The following CPSF4 variants were observed in gnomAD, a reference collection of about 807,000 sequenced individuals.
The protein encoded by CPSF4 is cleavage and polyadenylation specific factor 4, also known as cleavage and polyadenylation specificity factor subunit 4.
In CPSF4, 11 loss-of-function variants were observed where a neutral mutation model predicts 37.7. The ratio of observed to expected loss-of-function variants is 0.29; its 90% CI spans 0.18 to 0.48. The LOEUF (loss-of-function observed/expected upper bound fraction) is 0.48. CPSF4 is among the 20% of genes least tolerant of loss of function. The pLI, the probability that CPSF4 is intolerant of heterozygous loss-of-function variation, is 0.99. For missense variants in CPSF4, 144 were observed against 359.5 expected (o/e 0.40, Z 4.85); for synonymous variants, 132 against 135.9 (o/e 0.97, Z 0.20).
chr7:99,442,452 C>T (rs529981527), intron 1 of CPSF4, among the ~76,000 whole-genome samples: 87 of 151,806 alleles, frequency 5.7e-4, no homozygotes, highest in South Asian at 1.9e-3. Flanking sequence ...GTCAGGAGAT[C>T]GAGACCATCC....
chr7:99,439,966 C>T (rs754031911), intron 1 of CPSF4, among the ~76,000 whole-genome samples: 2 of 152,132 alleles, frequency 1.3e-5, no homozygotes, highest in African/African-American at 4.8e-5. Flanking sequence ...TTCACTGCTC[C>T]CCTTCATATG....
chr7:99,441,339 A>T (rs1796962955), intron 1 of CPSF4: 2 of 451,018 alleles, frequency 4.4e-6, no homozygotes, highest in Non-Finnish European at 8.9e-6. Context: ...CTGCCATCTG[A>T]CACATCCACA....
rs779660169 is a variant in CPSF4 at position 99,449,352 on chromosome 7, T to C, written c.308-924T>C. Among the ~76,000 whole-genome samples, 8 of 152,320 alleles carry C rather than the reference T, an allele frequency of 5.3e-5. No individual in the cohort carries two copies. The East Asian group carries it at 1.5e-3, about 29-fold the overall frequency. On this transcript the variant is annotated intron_variant, in intron 3 of 7. Coordinates refer to ENST00000292476, the MANE Select transcript of CPSF4 (RefSeq NM_006693.4). ...AAGTGCTGTCCCTGTCATTGTGCAA[T>C]GTAGCATGTTCCCCCCGATGCCTTG...
chr7:99,439,496 C>T (rs1471565846), intron 1 of CPSF4: 2 of 304,940 alleles, frequency 6.6e-6, no homozygotes, highest in Non-Finnish European at 1.2e-5. Context: ...GGACTCCTGA[C>T]TCCCAGGCCC....
intron 1 of CPSF4, among the ~76,000 whole-genome samples, chr7:99,440,380 C>T (rs1016864529): frequency 6.6e-5 from 10 of 151,868 alleles, no homozygotes; most frequent in Non-Finnish European, 1.3e-4. Context: ...AGACAGGGGC[C>T]CCTCTGTCGC....
rs753794352 is a variant in CPSF4 at position 99,439,161 on chromosome 7, C to T, written c.79C>T (p.Pro27Ser). Residue 27 changes from proline to serine, a missense_variant, in exon 1 of 8, where the codon CCG (proline) becomes TCG (serine). Physicochemically the swap from Pro to Ser is moderately conservative, Grantham distance 74. This residue lies in a region of CPSF4 where 42 missense variants were observed against 86.4 expected (regional missense o/e 0.49). Coordinates refer to ENST00000292476, the MANE Select transcript of CPSF4 (RefSeq NM_006693.4). ...IAVEQQLGAQ[P>S]LPFPGMDKSG... is the part of the protein sequence containing the mutation. ...GGTGGAGCAGCAGCTGGGGGCGCAG[C>T]CGCTGCCCTTCCCCGGCATGGACAG... 6.2e-7 allele frequency: 1 copy of T among 1,608,816 alleles called. No individual in the cohort carries two copies. The highest frequency in any genetic ancestry group is 8.5e-7 in the Non-Finnish European group (1 of 1,179,044).
intron 5 of CPSF4, 72 bp from the exon 6 acceptor site, chr7:99,452,296 C>T (rs1273279437): frequency 2.3e-5 from 29 of 1,277,194 alleles, no homozygotes; most frequent in African/African-American, 5.9e-5. Flanking sequence ...AAGAGCATGG[C>T]CTGGCTTCTC....
chr7:99,445,622 G>T (rs779088792), intron 2 of CPSF4, among the ~76,000 whole-genome samples: 3 of 152,180 alleles, frequency 2.0e-5, no homozygotes, highest in Non-Finnish European at 4.4e-5. Flanking sequence ...GGTGGCTTAC[G>T]CCTGTAATCC....
intron 2 of CPSF4, among the ~76,000 whole-genome samples, chr7:99,446,924 G>A (rs1356641757): frequency 6.6e-6 from 1 of 151,210 alleles, no homozygotes; most frequent in Non-Finnish European, 1.5e-5. Flanking sequence ...TGAGTAGCTG[G>A]GATTACAGGT....
intron 5 of CPSF4, 78 bp downstream of exon 5, chr7:99,450,873 A>G (rs1263222374): frequency 9.3e-7 from 1 of 1,070,172 alleles, no homozygotes; most frequent in East Asian, 2.4e-5. Context: ...CCCTGGGCCA[A>G]CTGGGCCTTG....
chr7:99,455,421 C>G (rs1798241308), intron 7 of CPSF4, among the ~76,000 whole-genome samples: 1 of 152,202 alleles, frequency 6.6e-6, no homozygotes, highest in Admixed American at 6.5e-5. Flanking sequence ...ACAGGGACAG[C>G]TGGGTGCGGT....
At position 99,439,132 on chromosome 7, in the gene CPSF4, T is replaced by A; in HGVS notation, c.50T>A (p.Ile17Asn). Residue 17 changes from isoleucine (I) to asparagine (N), a missense_variant, in exon 1 of 8, where the codon ATC (isoleucine) becomes AAC (asparagine). Physicochemically the swap from Ile to Asn is moderately radical, Grantham distance 149. This residue lies in a region of CPSF4 where 42 missense variants were observed against 86.4 expected (regional missense o/e 0.49). Coordinates refer to ENST00000292476, the MANE Select transcript of CPSF4 (RefSeq NM_006693.4). ...GACCACATCAAGTTTGACTTGGAGATCGCGGTGGAGCAGCAGCTGGGGGCG... is the reference window on the plus strand; with the variant it reads ...GACCACATCAAGTTTGACTTGGAGAACGCGGTGGAGCAGCAGCTGGGGGCG... The part of the protein sequence containing the change: ...SVDHIKFDLE[I>N]AVEQQLGAQP... 6.2e-7 allele frequency: 1 copy of A among 1,611,422 alleles called. No homozygotes were observed.
chr7:99,447,032 G>A (rs1254331188), intron 2 of CPSF4, among the ~76,000 whole-genome samples: 1 of 150,582 alleles, frequency 6.6e-6, no homozygotes, highest in Non-Finnish European at 1.5e-5. Flanking sequence ...CTCAGGTGAT[G>A]CACCTGCCTT....
intron 3 of CPSF4, among the ~76,000 whole-genome samples, chr7:99,449,969 C>T (rs986220274): frequency 4.6e-5 from 7 of 152,166 alleles, no homozygotes; most frequent in African/African-American, 1.7e-4. Flanking sequence ...CTCAGGAAGG[C>T]GGTTCTTGGT....
chr7:99,452,504 C>G (rs999652694), intron 6 of CPSF4, 64 bp downstream of exon 6: 2 of 1,432,566 alleles, frequency 1.4e-6, no homozygotes, highest in South Asian at 1.1e-5. Context: ...ACCTCAGTGT[C>G]CCCCAGGGGT....
At chr7:99,441,652 T>C (rs1796994304) in intron 1 of CPSF4, among the ~76,000 whole-genome samples, 1 of 152,136 alleles carries the variant, frequency 6.6e-6, no homozygotes, top group African/African-American at 2.4e-5. Flanking sequence ...CAGAAGCAAC[T>C]CTAACCTCTA....
Position 99,444,956 on chromosome 7 carries a change from T to C in CPSF4, c.154+117T>C, listed in dbSNP as rs1412458785. 3 of 883,272 alleles carry C rather than the reference T, an allele frequency of 3.4e-6. No individual in the cohort carries two copies. The African/African-American group carries it at 5.0e-5, about 15-fold the overall frequency. The allele number at this position is 883,272 out of a possible 1,614,324, so 54.7% of individuals were successfully genotyped here. ...TACATTGCTTTCTACAGACTAACGA[T>C]CTCTGTAGATAAAACTGGTTTGGAC... is the stretch of plus-strand genomic sequence containing the variant. On this transcript the variant is annotated intron_variant, in intron 2 of 7. Transcript: ENST00000292476.
intron 5 of CPSF4, 36 bp downstream of exon 5, chr7:99,450,831 C>T (rs1315443607): frequency 1.3e-6 from 2 of 1,508,124 alleles, no homozygotes; most frequent in Admixed American, 3.3e-5. Flanking sequence ...TACCCCAGCT[C>T]CCGGCCCAGG....
chr7:99,450,556 C>T (rs754794698), intron 4 of CPSF4, 146 bp from the exon 5 acceptor site: 15 of 791,624 alleles, frequency 1.9e-5, no homozygotes, highest in Middle Eastern at 3.2e-4. Context: ...GTGGTCCACC[C>T]GCTTTTTTGA....
Sources: gnomAD v4.1 joint callset for allele counts (sites outside exome capture counted in the v4.1 genomes callset) on GRCh38, gnomAD v4.1.1 for gene constraint, gnomAD v4.1.1 regional missense constraint, MANE v1.5 for transcripts, NCBI Gene and HGNC (gene_info 2026-07-23, HGNC 2026-07-21) for gene names.